MAGI2: variants seen among roughly 807,000 people sequenced by gnomAD.
MAGI2 encodes membrane associated guanylate kinase, WW and PDZ domain containing 2.
In MAGI2, 35 loss-of-function variants were observed where a neutral mutation model predicts 133.3. That is an observed-to-expected ratio of 0.26 (90% CI 0.20 to 0.35). The LOEUF is 0.35. MAGI2 is among the 10% of genes least tolerant of loss of function. The pLI is 1.00. For synonymous variants in MAGI2, 729 were observed against 710.6 expected, an observed-to-expected ratio of 1.03 and a Z score of -0.41; for missense variants, 1,636 against 1,863.4, an observed-to-expected ratio of 0.88 and a Z score of 2.25.
At chr7:78,726,602 A>G (rs1279538310) in intron 2 of MAGI2, among the ~76,000 whole-genome samples, 1 of 152,216 alleles carries the variant, frequency 6.6e-6, no homozygotes, top group East Asian at 1.9e-4. Context: ...TGGCATTATC[A>G]TCGTTGAAGT....
chr7:78,372,324 T>C (rs1269551336), intron 6 of MAGI2, among the ~76,000 whole-genome samples: 2 of 152,186 alleles, frequency 1.3e-5, no homozygotes. Flanking sequence ...CTGTGAAAAT[T>C]AAGCTATTTG....
At chr7:78,452,651 TG>T (rs2151486736) in intron 6 of MAGI2, among the ~76,000 whole-genome samples, 1 of 151,892 alleles carries the variant, frequency 6.6e-6, no homozygotes, top group South Asian at 2.1e-4. Flanking sequence ...GTATGTAGAA[TG>T]TAAAAAGCAA....
At chr7:78,369,023 G>A (rs907478275) in intron 7 of MAGI2, 133 bp downstream of exon 7, 4 of 580,608 alleles carry the variant, frequency 6.9e-6, no homozygotes, top group Admixed American at 3.4e-5. Flanking sequence ...AGTGCTGCTA[G>A]TCTTGGTGGA....
intron 9 of MAGI2, 71 bp downstream of exon 9, chr7:78,343,707 G>A (rs1268322368): frequency 8.4e-7 from 1 of 1,194,276 alleles, no homozygotes; most frequent in African/African-American, 1.6e-5. Context: ...AAACACAAAA[G>A]AAGCTCCTTA....
chr7:78,552,929 C>T (rs1799477690), intron 3 of MAGI2, among the ~76,000 whole-genome samples: 1 of 151,896 alleles, frequency 6.6e-6, no homozygotes, highest in Non-Finnish European at 1.5e-5. Flanking sequence ...ACAAATTGCC[C>T]CCCCAAGGTC....
chr7:78,381,429 T>C (rs1157851258), intron 6 of MAGI2, among the ~76,000 whole-genome samples: 1 of 152,110 alleles, frequency 6.6e-6, no homozygotes, highest in Non-Finnish European at 1.5e-5. Flanking sequence ...AAAGGTTTTC[T>C]TACTCTGATT....
Position 78,919,313 on chromosome 7 carries a change from A to G in MAGI2, c.418+87777T>C, listed in dbSNP as rs145740252. Among the ~76,000 whole-genome samples, 470 of 152,224 alleles carry G rather than the reference A, an allele frequency of 3.1e-3. 7 individuals are homozygous for G. The highest frequency in any genetic ancestry group is 0.022 in the Admixed American group (338 of 15,250). ...TAAGCAAGTGTATGAATTCATTAAT[A>G]TAGAACAATAAATCAGATCAATAGA... On this transcript the variant is annotated intron_variant, in intron 2 of 21. Transcript: ENST00000354212.
At chr7:78,580,359 A>G (rs1419533522) in intron 3 of MAGI2, among the ~76,000 whole-genome samples, 1 of 152,226 alleles carries the variant, frequency 6.6e-6, no homozygotes, top group Non-Finnish European at 1.5e-5. Flanking sequence ...GAAAAGGACA[A>G]TAGGTTCTTC....
chr7:78,496,600 A>G (rs139422684), intron 5 of MAGI2, among the ~76,000 whole-genome samples: 2 of 152,290 alleles, frequency 1.3e-5, no homozygotes, highest in Non-Finnish European at 2.9e-5. Context: ...TTCTCAGCCA[A>G]TGTTTGTTTC....
chr7:78,480,859 AC>A (rs1344347003), intron 6 of MAGI2, among the ~76,000 whole-genome samples: 1 of 151,932 alleles, frequency 6.6e-6, no homozygotes, highest in Non-Finnish European at 1.5e-5. Context: ...TATACACTAA[AC>A]AAAACGTGCC....
intron 3 of MAGI2, among the ~76,000 whole-genome samples, chr7:78,544,394 T>C (rs534099284): frequency 2.0e-5 from 3 of 152,314 alleles, no homozygotes. Context: ...TGGGTCTTTT[T>C]AGATGGGAGC....
chr7:78,104,081 G>A (rs1395399782), intron 20 of MAGI2, among the ~76,000 whole-genome samples: 1 of 152,176 alleles, frequency 6.6e-6, no homozygotes. Context: ...CCTGGGAGGT[G>A]TAATTACTGG....
At chr7:79,417,927 A>C (rs1846654904) in intron 1 of MAGI2, among the ~76,000 whole-genome samples, 1 of 152,120 alleles carries the variant, frequency 6.6e-6, no homozygotes, top group Admixed American at 6.6e-5. Flanking sequence ...TAGGTAGCAA[A>C]GTTACTTAGA....
chr7:78,196,163 T>G (rs1433595192), intron 11 of MAGI2, among the ~76,000 whole-genome samples: 2 of 152,102 alleles, frequency 1.3e-5, no homozygotes, highest in African/African-American at 2.4e-5. Context: ...TCTACATGTA[T>G]TTTCCACTCT....
intron 2 of MAGI2, among the ~76,000 whole-genome samples, chr7:78,687,957 G>A (rs1204016994): frequency 8.8e-5 from 10 of 113,100 alleles, no homozygotes; most frequent in Non-Finnish European, 1.7e-4. Context: ...GCAAGAGAGT[G>A]AGTCCTTGCC....
At chr7:78,363,974 T>A (rs530007637) in intron 7 of MAGI2, among the ~76,000 whole-genome samples, 1 of 152,294 alleles carries the variant, frequency 6.6e-6, no homozygotes, top group Admixed American at 6.5e-5. Flanking sequence ...AAGTGCACAA[T>A]AAGCGTTCCT....
intron 1 of MAGI2, among the ~76,000 whole-genome samples, chr7:79,265,449 T>C (rs1382922863): frequency 5.3e-5 from 8 of 152,184 alleles, no homozygotes; most frequent in Non-Finnish European, 1.2e-4. Flanking sequence ...TCATTATTAA[T>C]ATGTGGTGTA....
chr7:79,023,002 C>T (rs1809498697), intron 1 of MAGI2, among the ~76,000 whole-genome samples: 1 of 152,072 alleles, frequency 6.6e-6, no homozygotes, highest in Non-Finnish European at 1.5e-5. Flanking sequence ...GCAGCATCAT[C>T]CTGCATAAAA....
At chr7:79,292,988 G>A (rs976975897) in intron 1 of MAGI2, among the ~76,000 whole-genome samples, 15 of 152,014 alleles carry the variant, frequency 9.9e-5, no homozygotes, top group Admixed American at 3.3e-4. Context: ...ACTGCACTCC[G>A]GAAAAATTTC....
Sources: gnomAD v4.1 joint callset for allele counts (sites outside exome capture counted in the v4.1 genomes callset) on GRCh38, gnomAD v4.1.1 for gene constraint, MANE v1.5 for transcripts, NCBI Gene and HGNC (gene_info 2026-07-23, HGNC 2026-07-21) for gene names.